NAV1: variants seen among roughly 807,000 people sequenced by gnomAD.
NAV1 encodes the protein neuron navigator 1.
NAV1 carries 18 observed loss-of-function variants against 175.2 expected under a neutral mutation model. That is an observed-to-expected ratio of 0.10 (90% CI 0.07 to 0.15). The LOEUF is 0.15. NAV1 is among the 10% of genes least tolerant of loss of function. The probability of loss-of-function intolerance (pLI) is 1.00; values close to 1 mark genes in which losing one functional copy is unlikely to be tolerated. For missense variants in NAV1, 1,731 were observed against 2,436.6 expected (o/e 0.71, Z 6.10); for synonymous variants, 897 against 978.7 (o/e 0.92, Z 1.56).
chr1:201,755,002 A>G (rs1190585615), intron 3 of NAV1, among the ~76,000 whole-genome samples: 2 of 152,206 alleles, frequency 1.3e-5, no homozygotes, highest in East Asian at 3.8e-4. Context: ...ATGACTTTAG[A>G]TAATTTGAGA....
chr1:201,588,558 T>G (rs571135731), exon 2 of NAV1, among the ~76,000 whole-genome samples: 1 of 151,018 alleles, frequency 6.6e-6, no homozygotes, highest in African/African-American at 2.4e-5. Context: ...CTTGCTATGT[T>G]GCCCGGGCTG....
upstream of NAV1, chr1:201,648,194 T>A: frequency 1.0e-6 from 1 of 981,186 alleles, no homozygotes; most frequent in Non-Finnish European, 1.2e-6. Context: ...CAGCCTCGAC[T>A]CGGGCTGGCT....
chr1:201,601,025 C>G (rs558470120), intron 2 of NAV1, among the ~76,000 whole-genome samples: 3 of 152,354 alleles, frequency 2.0e-5, no homozygotes, highest in African/African-American at 7.2e-5. Flanking sequence ...TGGTCAGAGA[C>G]AGACTTATGG....
intron 1 of NAV1, among the ~76,000 whole-genome samples, chr1:201,691,702 CGCCTTTTCTGGAGAT>C (rs1558071125): frequency 1.2e-4 from 18 of 152,184 alleles, no homozygotes. Flanking sequence ...GCCGTGGAAT[CGCCTTTTCTGGAGAT>C]GCTTAAGAAA....
chr1:201,809,184 A>G (rs1678527910), exon 21 of NAV1: 1 of 1,613,966 alleles, frequency 6.2e-7, no homozygotes, highest in Non-Finnish European at 8.5e-7. Flanking sequence ...CATGGATGGC[A>G]TCAGTACTTG....
intron 1 of NAV1, among the ~76,000 whole-genome samples, chr1:201,550,574 G>C (rs1012974503): frequency 6.6e-6 from 1 of 152,154 alleles, no homozygotes; most frequent in African/African-American, 2.4e-5. Context: ...GAAATTACTG[G>C]ATCAGAAGAA....
intron 2 of NAV1, among the ~76,000 whole-genome samples, chr1:201,629,716 G>A (rs1217583548): frequency 6.6e-6 from 1 of 152,216 alleles, no homozygotes; most frequent in African/African-American, 2.4e-5. Flanking sequence ...GCAGCATAGG[G>A]AAGTGGCCAG....
intron 2 of NAV1, among the ~76,000 whole-genome samples, chr1:201,595,821 C>T (rs1279881744): frequency 6.6e-6 from 1 of 152,240 alleles, no homozygotes; most frequent in Non-Finnish European, 1.5e-5. Flanking sequence ...CCCCTGCAAC[C>T]AAGGTGCCCT....
chr1:201,597,802 T>G (rs1430231734), intron 2 of NAV1, among the ~76,000 whole-genome samples: 2 of 152,244 alleles, frequency 1.3e-5, no homozygotes, highest in African/African-American at 4.8e-5. Flanking sequence ...TTCCTCCTGC[T>G]GTGCCCGTGA....
intron 15 of NAV1, among the ~76,000 whole-genome samples, chr1:201,801,126 C>A (rs1036157833): frequency 6.6e-6 from 1 of 152,208 alleles, no homozygotes; most frequent in African/African-American, 2.4e-5. Flanking sequence ...CCACACCCAG[C>A]CTCTTGAGAA....
chr1:201,756,820 C>CTTTCTTTTTCTTTCTTTCTT (rs757683788), intron 3 of NAV1, among the ~76,000 whole-genome samples: 1 of 29,118 alleles, frequency 3.4e-5, no homozygotes, highest in East Asian at 4.7e-4. Context: ...TTCTTTCTTT[C>CTTTCTTTTTCTTTCTTTCTT]TTTCTTTCTT....
exon 4 of NAV1, chr1:201,780,530 A>C (rs777937048): frequency 6.2e-7 from 1 of 1,614,094 alleles, no homozygotes; most frequent in Admixed American, 1.7e-5. Flanking sequence ...AAGTACTCCC[A>C]CTGCTTCTCG....
intron 3 of NAV1, among the ~76,000 whole-genome samples, chr1:201,767,852 G>A (rs1204855891): frequency 6.6e-6 from 1 of 152,208 alleles, no homozygotes; most frequent in African/African-American, 2.4e-5. Flanking sequence ...TCACCTCCAG[G>A]AATGGGTCTG....
exon 1 of NAV1, chr1:201,648,751 G>C: frequency 7.1e-7 from 1 of 1,403,228 alleles, no homozygotes. Flanking sequence ...GACGAACCGC[G>C]GGGCGCCGGC....
chr1:201,787,818 A>C lies in NAV1; in HGVS notation c.2996-650A>C. The C allele has an allele frequency of 2.3e-6, 1 of 426,600 alleles. No homozygotes were observed. Among genetic ancestry groups the C allele is most frequent in the Admixed American group, 2.5e-5 (1 of 40,334 alleles). The allele number at this position is 426,600 out of a possible 1,614,324, so 26.4% of individuals were successfully genotyped here. A position where few individuals can be genotyped will look rare whatever the true frequency, so the allele number is the denominator to read the frequency against. On this transcript the variant is annotated intron_variant, in intron 9 of 29. Transcript: ENST00000367296. This position sits in a 1 kb window ranked among gnomAD's most constrained non-coding sequence, Gnocchi z 4.3. ...ATTCAGCTGAACCCAGCTTCAAAGC[A>C]CATTCCACAAGCCTTACCTGACACT... is the stretch of plus-strand genomic sequence containing the variant.
At chr1:201,649,196 A>G (rs1331978238) in exon 1 of NAV1, 1 of 1,612,794 alleles carries the variant, frequency 6.2e-7, no homozygotes, top group Non-Finnish European at 8.5e-7. Flanking sequence ...GGATCCCTCG[A>G]GGACCCTATG....
chr1:201,541,235 A>G (rs1439286406), intron 1 of NAV1, among the ~76,000 whole-genome samples: 1 of 152,226 alleles, frequency 6.6e-6, no homozygotes, highest in Non-Finnish European at 1.5e-5. Flanking sequence ...AGCACACAGT[A>G]GGCACTTTAT....
rs761002301 is a variant in NAV1 at position 201,813,271 on chromosome 1, C to A, written c.5340+13C>A. On this transcript the variant is annotated intron_variant, in intron 28 of 29. Coordinates refer to ENST00000367296, the Ensembl canonical transcript of NAV1. The surrounding 1 kb of genome is among the most constrained non-coding windows in gnomAD (Gnocchi z 4.2). ...GGATGGGATAAAGGTGAGCCCTACC[C>A]CCTTCACTCAAACCCTAAGATCAGG... The A allele has an allele frequency of 1.2e-4, 179 of 1,538,898 alleles. No individual in the cohort carries two copies. Among genetic ancestry groups the A allele is most frequent in the Non-Finnish European group, 8.7e-5 (97 of 1,114,216 alleles).
At chr1:201,825,896 A>C (rs1679644433) in exon 30 of NAV1, 1 of 152,246 alleles carries the variant, frequency 6.6e-6, no homozygotes, top group South Asian at 2.1e-4. Flanking sequence ...TCCTGACCTC[A>C]GGTGATTCAC....
Sources: gnomAD v4.1 joint callset for allele counts (sites outside exome capture counted in the v4.1 genomes callset) on GRCh38, gnomAD v4.1.1 for gene constraint, Gnocchi (gnomAD v3.1) non-coding constraint, MANE v1.5 for transcripts, NCBI Gene and HGNC (gene_info 2026-07-23, HGNC 2026-07-21) for gene names.